The following SCN9A variants were observed in gnomAD, a reference collection of about 807,000 sequenced individuals.
SCN9A encodes sodium voltage-gated channel alpha subunit 9.
SCN9A carries 131 observed loss-of-function variants against 187.0 expected under a neutral mutation model. That is an observed-to-expected ratio of 0.70 (90% CI 0.61 to 0.81). The LOEUF is 0.81. SCN9A is among the 30% of genes least tolerant of loss of function. SCN9A has a pLI of 0.00. For synonymous variants in SCN9A, 809 were observed against 808.6 expected, an observed-to-expected ratio of 1.00 and a Z score of -0.01; for missense variants, 2,252 against 2,396.6, an observed-to-expected ratio of 0.94 and a Z score of 1.26.
At chr2:166,294,087 G>A (rs1295892827) in intron 8 of SCN9A, among the ~76,000 whole-genome samples, 1 of 152,134 alleles carries the variant, frequency 6.6e-6, no homozygotes, top group African/African-American at 2.4e-5. Flanking sequence ...TAAGAGAGAA[G>A]CAGCAAGATG....
At chr2:166,286,290 T>C (rs1341484250) in intron 11 of SCN9A, 46 bp downstream of exon 11, 1 of 1,532,432 alleles carries the variant, frequency 6.5e-7, no homozygotes, top group South Asian at 1.3e-5. Flanking sequence ...CATTTTTCTC[T>C]AGCATTCTGC....
intron 24 of SCN9A, among the ~76,000 whole-genome samples, chr2:166,209,626 C>T (rs897994368): frequency 7.9e-5 from 12 of 151,858 alleles, no homozygotes; most frequent in Non-Finnish European, 1.8e-4. Flanking sequence ...AAAAAACAAC[C>T]CCATCAAAAA....
At chr2:166,323,175 T>A (rs1357114473) in intron 1 of SCN9A, among the ~76,000 whole-genome samples, 1 of 152,144 alleles carries the variant, frequency 6.6e-6, no homozygotes, top group Non-Finnish European at 1.5e-5. Flanking sequence ...CAAAAGCAAA[T>A]AAATTCCAAC....
intron 1 of SCN9A, among the ~76,000 whole-genome samples, chr2:166,342,359 AC>A (rs1175742535): frequency 6.6e-6 from 1 of 152,040 alleles, no homozygotes. Context: ...GCCAGTCATG[AC>A]CCCTTCAATG....
chr2:166,293,404 G>A (rs1407619619), intron 8 of SCN9A, 32 bp from the exon 9 acceptor site: 1 of 1,558,124 alleles, frequency 6.4e-7, no homozygotes, highest in South Asian at 1.2e-5. Context: ...ATAGGTGAGA[G>A]TGTCTTCAGG....
chr2:166,207,744 T>G (rs1261732874), intron 24 of SCN9A, among the ~76,000 whole-genome samples: 1 of 152,144 alleles, frequency 6.6e-6, no homozygotes, highest in Non-Finnish European at 1.5e-5. Flanking sequence ...TCCGGCCACC[T>G]TAGAGTGTTT....
At chr2:166,298,195 G>C (rs1698403567) in intron 7 of SCN9A, among the ~76,000 whole-genome samples, 1 of 151,924 alleles carries the variant, frequency 6.6e-6, no homozygotes, top group Non-Finnish European at 1.5e-5. Flanking sequence ...AGATGAAGGA[G>C]ATAGGAAAAT....
At chr2:166,258,649 T>C (rs949041356) in intron 17 of SCN9A, among the ~76,000 whole-genome samples, 1 of 151,688 alleles carries the variant, frequency 6.6e-6, no homozygotes, top group Admixed American at 6.6e-5. Flanking sequence ...CCCAACTTTC[T>C]AGATGTGTAC....
chr2:166,374,497 CATAATT>C (rs1461784604), intron 1 of SCN9A, among the ~76,000 whole-genome samples: 7 of 151,866 alleles, frequency 4.6e-5, no homozygotes, highest in South Asian at 4.2e-4. Context: ...AAAATCTCAC[CATAATT>C]ATAAGAAAAA....
chr2:166,216,942 G>A lies in SCN9A; in HGVS notation c.4398+9625C>T, dbSNP rs373077163. On this transcript the variant is annotated intron_variant, in intron 24 of 26. Coordinates refer to ENST00000642356, the MANE Select transcript of SCN9A (RefSeq NM_001365536.1). ...ATGGCCAAAGCAATCTGAGCAAAAA[G>A]AACAAAGCTAGAGGTGCAATACTCT... Among the ~76,000 whole-genome samples, 8 of 151,822 alleles carry A rather than the reference G, an allele frequency of 5.3e-5. No individual in the cohort carries two copies. The East Asian group carries it at 1.2e-3, about 22-fold the overall frequency.
chr2:166,254,141 T>C (rs73019685), intron 17 of SCN9A, among the ~76,000 whole-genome samples: 1,883 of 151,698 alleles, frequency 0.012, 42 homozygotes, highest in African/African-American at 0.043. Context: ...TGAATTCAGC[T>C]TGGCACAGAA....
At chr2:166,350,950 T>A (rs139722857) in intron 1 of SCN9A, among the ~76,000 whole-genome samples, 20 of 152,290 alleles carry the variant, frequency 1.3e-4, no homozygotes, top group African/African-American at 2.9e-4. Flanking sequence ...TGACTTTTTT[T>A]ATAATATTTT....
intron 17 of SCN9A, among the ~76,000 whole-genome samples, chr2:166,271,956 C>A (rs61567448): frequency 1.3e-5 from 2 of 151,664 alleles, no homozygotes; most frequent in African/African-American, 2.4e-5. Flanking sequence ...TCTGCATGAG[C>A]GAAAATAATC....
At chr2:166,334,543 G>T (rs1041030827) in intron 1 of SCN9A, among the ~76,000 whole-genome samples, 1 of 151,964 alleles carries the variant, frequency 6.6e-6, no homozygotes, top group Non-Finnish European at 1.5e-5. Context: ...ATTTCTTGTT[G>T]TTTCTGAAGA....
At chr2:166,347,412 G>A (rs935467990) in intron 1 of SCN9A, among the ~76,000 whole-genome samples, 6 of 152,106 alleles carry the variant, frequency 3.9e-5, no homozygotes, top group African/African-American at 1.2e-4. Flanking sequence ...CTCTTAGAAA[G>A]CTCTTGACAC....
chr2:166,228,564 G>T (rs566362518), intron 22 of SCN9A, 127 bp downstream of exon 22: 3 of 866,172 alleles, frequency 3.5e-6, no homozygotes, highest in South Asian at 1.9e-5. Flanking sequence ...GCCAAGACTG[G>T]CACTGTTTTA....
intron 1 of SCN9A, among the ~76,000 whole-genome samples, chr2:166,371,619 C>T (rs1360853401): frequency 6.6e-6 from 1 of 152,188 alleles, no homozygotes; most frequent in Non-Finnish European, 1.5e-5. Flanking sequence ...CATAAATCCT[C>T]ATATAAAATA....
At chr2:166,341,949 A>T (rs969628297) in intron 1 of SCN9A, among the ~76,000 whole-genome samples, 7 of 152,086 alleles carry the variant, frequency 4.6e-5, no homozygotes, top group Non-Finnish European at 5.9e-5. Flanking sequence ...GATCTCTCTT[A>T]TATTGTTTTG....
At chr2:166,357,683 C>T (rs768884828) in intron 1 of SCN9A, among the ~76,000 whole-genome samples, 10 of 152,196 alleles carry the variant, frequency 6.6e-5, no homozygotes, top group Non-Finnish European at 1.3e-4. Flanking sequence ...TAATGACCAA[C>T]TTCTTCATTA....
Sources: gnomAD v4.1 joint callset for allele counts (sites outside exome capture counted in the v4.1 genomes callset) on GRCh38, gnomAD v4.1.1 for gene constraint, MANE v1.5 for transcripts, NCBI Gene and HGNC (gene_info 2026-07-23, HGNC 2026-07-21) for gene names.